NECTIN1: variants seen among roughly 807,000 people sequenced by gnomAD.
The protein encoded by NECTIN1 is nectin-1.
A neutral mutation model predicts 48.0 loss-of-function variants in NECTIN1; 23 were observed. The ratio of observed to expected loss-of-function variants is 0.48; its 90% CI spans 0.34 to 0.68. The LOEUF (loss-of-function observed/expected upper bound fraction) is 0.68, where lower values mean the gene tolerates loss of function less well. NECTIN1 is among the 30% of genes least tolerant of loss of function. NECTIN1 has a pLI of 0.01. For synonymous variants in NECTIN1, 270 were observed against 288.9 expected (o/e 0.93, Z 0.66); for missense variants, 591 against 709.9 (o/e 0.83, Z 1.90).
intron 5 of NECTIN1, among the ~76,000 whole-genome samples, chr11:119,652,411 A>G (rs540909449): frequency 6.6e-6 from 1 of 151,830 alleles, no homozygotes; most frequent in South Asian, 2.1e-4. Flanking sequence ...AGTGCCTCCC[A>G]GGCCACCGGA....
At chr11:119,692,528 G>C (rs550322286) in intron 1 of NECTIN1, among the ~76,000 whole-genome samples, 1 of 152,218 alleles carries the variant, frequency 6.6e-6, no homozygotes, top group Non-Finnish European at 1.5e-5. Context: ...CAGAAGCTGG[G>C]GCTCAAGTGC....
At chr11:119,648,322 A>ATGGTGGTGGTGG (rs1298252121) in intron 5 of NECTIN1, among the ~76,000 whole-genome samples, 2 of 4,260 alleles carry the variant, frequency 4.7e-4, no homozygotes, top group South Asian at 8.2e-3. Context: ...GGTGATGGTG[A>ATGGTGGTGGTGG]TGGTGGTGAT....
chr11:119,678,333 G>A lies in NECTIN1; in HGVS notation c.430+82C>T. 7.8e-7 allele frequency: 1 copy of A among 1,281,652 alleles called. No individual in the cohort carries two copies. Among genetic ancestry groups the A allele is most frequent in the Non-Finnish European group, 1.1e-6 (1 of 882,066 alleles). The allele number at this position is 1,281,652 out of a possible 1,614,324, so 79.4% of individuals were successfully genotyped here. ...TGCCCACCCAAGGGGGATGTCTGGG[G>A]TCATTGAGGCATCCTGAGGATGGCC... On this transcript the variant is annotated intron_variant, in intron 2 of 5. Transcript: ENST00000264025. This position sits in a 1 kb window ranked among gnomAD's most constrained non-coding sequence, Gnocchi z 4.4.
chr11:119,693,818 A>G (rs140186337), intron 1 of NECTIN1, among the ~76,000 whole-genome samples: 2,822 of 152,286 alleles, frequency 0.019, 36 homozygotes, highest in Non-Finnish European at 0.029. Context: ...GGGGCCCTCC[A>G]TGTTGCAGCG....
chr11:119,715,363 AT>A (rs967069496), intron 1 of NECTIN1, among the ~76,000 whole-genome samples: 3 of 150,520 alleles, frequency 2.0e-5, no homozygotes, highest in Non-Finnish European at 3.0e-5. Context: ...TTTTATTTTT[AT>A]TTTTTTTTAA....
At chr11:119,689,628 C>T (rs1017618854) in intron 1 of NECTIN1, among the ~76,000 whole-genome samples, 6 of 152,216 alleles carry the variant, frequency 3.9e-5, no homozygotes, top group African/African-American at 9.6e-5. Context: ...GAATGTGCCC[C>T]GCACATTCCA....
chr11:119,727,020 CCCA>C lies in NECTIN1; in HGVS notation c.79+1452_79+1454del, dbSNP rs1448780485. Reference sequence around the variant, plus strand: ...TGTGAGCCCTGGATTTTCCCCACCCCCCACATCGAGCAGGGCAGCACCCCAGGC... The same window carrying C: ...TGTGAGCCCTGGATTTTCCCCACCCCCATCGAGCAGGGCAGCACCCCAGGC... On this transcript the variant is annotated intron_variant, in intron 1 of 5. Coordinates refer to ENST00000264025, the MANE Select transcript of NECTIN1 (RefSeq NM_002855.5). This position sits in a 1 kb window ranked among gnomAD's most constrained non-coding sequence, Gnocchi z 4.1. Among the ~76,000 whole-genome samples, 1 of 152,136 alleles carries C rather than the reference CCCA, an allele frequency of 6.6e-6. No homozygotes were observed. The highest frequency in any genetic ancestry group is 1.9e-4 in the East Asian group (1 of 5,194).
chr11:119,712,333 C>T (rs987245556), intron 1 of NECTIN1, among the ~76,000 whole-genome samples: 1 of 147,064 alleles, frequency 6.8e-6, no homozygotes, highest in Non-Finnish European at 1.5e-5. Flanking sequence ...GAGAAGCCTC[C>T]CCTCCCCTCC....
chr11:119,642,765 A>G (rs778205821), intron 5 of NECTIN1: 8 of 153,778 alleles, frequency 5.2e-5, no homozygotes, highest in Non-Finnish European at 7.3e-5. Context: ...ATCCTCCCAT[A>G]TACTTTAAAT....
intron 6 of NECTIN1, chr11:119,639,776 A>T (rs1370576575): frequency 6.3e-7 from 1 of 1,576,338 alleles, no homozygotes; most frequent in Non-Finnish European, 8.7e-7. Context: ...CTGAGCTTTC[A>T]CAAGTTTAGG....
Position 119,727,894 on chromosome 11 carries a change from G to C in NECTIN1, c.79+581C>G, listed in dbSNP as rs1865938719. ...AGGCTGCCCCGGCCTCACCCTCCAG[G>C]AAAGGAACCGCAGGTGAGCGAGGAG... On this transcript the variant is annotated intron_variant, in intron 1 of 5. Transcript: ENST00000264025. The surrounding 1 kb of genome is among the most constrained non-coding windows in gnomAD (Gnocchi z 4.1). 6.6e-6 allele frequency among the ~76,000 whole-genome samples: 1 copy of C among 152,236 alleles called. No homozygotes were observed. The highest frequency in any genetic ancestry group is 1.5e-5 in the Non-Finnish European group (1 of 68,042).
intron 1 of NECTIN1, among the ~76,000 whole-genome samples, chr11:119,696,022 CTT>C (rs1397978735): frequency 6.6e-6 from 1 of 152,268 alleles, no homozygotes; most frequent in Non-Finnish European, 1.5e-5. Flanking sequence ...CTTCTACACT[CTT>C]GGTGCCAAAG....
intron 1 of NECTIN1, among the ~76,000 whole-genome samples, chr11:119,716,676 G>T (rs1865746981): frequency 6.6e-6 from 1 of 152,202 alleles, no homozygotes; most frequent in Non-Finnish European, 1.5e-5. Context: ...TGGCGGCTGG[G>T]GGGCAGTGTA....
At position 119,727,846 on chromosome 11, in the gene NECTIN1, C is replaced by T. The variant is rs1865937313; in HGVS notation, c.79+629G>A. 6.6e-6 allele frequency among the ~76,000 whole-genome samples: 1 copy of T among 152,196 alleles called. No individual in the cohort carries two copies. The highest frequency in any genetic ancestry group is 1.5e-5 in the Non-Finnish European group (1 of 68,026). Reference sequence around the variant, plus strand: ...GGGAGCAGAGTTCCGAGGGGGAGCCCGGTCCCGCGCCAGGCCGGGAGGAGG... The same window carrying T: ...GGGAGCAGAGTTCCGAGGGGGAGCCTGGTCCCGCGCCAGGCCGGGAGGAGG... On this transcript the variant is annotated intron_variant, in intron 1 of 5. Transcript: ENST00000264025. This position sits in a 1 kb window ranked among gnomAD's most constrained non-coding sequence, Gnocchi z 4.1.
chr11:119,720,886 G>A (rs958121242), intron 1 of NECTIN1, among the ~76,000 whole-genome samples: 58 of 152,148 alleles, frequency 3.8e-4, no homozygotes, highest in African/African-American at 1.4e-3. Flanking sequence ...GGTGGGACTA[G>A]GAAGCCCCTG....
At chr11:119,681,014 C>T (rs1022412120) in intron 1 of NECTIN1, among the ~76,000 whole-genome samples, 1 of 152,256 alleles carries the variant, frequency 6.6e-6, no homozygotes, top group Non-Finnish European at 1.5e-5. Context: ...GCAGACTGGC[C>T]TCCCGAGTCC....
At chr11:119,640,136 C>A in intron 5 of NECTIN1, 1 of 1,079,072 alleles carries the variant, frequency 9.3e-7, no homozygotes, top group Non-Finnish European at 1.4e-6. Flanking sequence ...CCCCCAGCTC[C>A]CCTCCCCATG....
chr11:119,717,016 G>A (rs75268463), intron 1 of NECTIN1, among the ~76,000 whole-genome samples: 57 of 152,374 alleles, frequency 3.7e-4, no homozygotes, highest in Admixed American at 9.8e-4. Flanking sequence ...CACAAGTGCC[G>A]AGGGGCTAGC....
chr11:119,692,220 C>T (rs1010751054), intron 1 of NECTIN1, among the ~76,000 whole-genome samples: 8 of 152,216 alleles, frequency 5.3e-5, no homozygotes, highest in African/African-American at 1.7e-4. Flanking sequence ...TAGGGGTTGG[C>T]GTGCCAGGGC....
Sources: allele counts gnomAD v4.1 joint callset (sites outside exome capture counted in the v4.1 genomes callset), GRCh38; gene constraint gnomAD v4.1.1; non-coding constraint Gnocchi (gnomAD v3.1); transcripts MANE v1.5; gene names NCBI Gene and HGNC (gene_info 2026-07-23, HGNC 2026-07-21).